Variants in FRMD4B observed in about 807,000 individuals in gnomAD.
FRMD4B encodes the protein FERM domain containing 4B.
A neutral mutation model predicts 141.5 loss-of-function variants in FRMD4B; 74 were observed. That is an observed-to-expected ratio of 0.52 (90% CI 0.43 to 0.63). The LOEUF (loss-of-function observed/expected upper bound fraction) is 0.63. FRMD4B is among the 30% of genes least tolerant of loss of function. The pLI is 0.00. For synonymous variants in FRMD4B, 506 were observed against 467.9 expected (o/e 1.08, Z -1.05); for missense variants, 1,366 against 1,253.4 (o/e 1.09, Z -1.36).
At chr3:69,441,201 T>G (rs1230532991) in intron 1 of FRMD4B, among the ~76,000 whole-genome samples, 2 of 152,216 alleles carry the variant, frequency 1.3e-5, no homozygotes, top group African/African-American at 4.8e-5. Context: ...ATCTTCCTCC[T>G]GGACTTTTAT....
rs373199210 is a variant in FRMD4B at position 69,276,677 on chromosome 3, G to C, written c.501+11075C>G. Among the ~76,000 whole-genome samples the C allele has an allele frequency of 9.9e-5, 15 of 152,234 alleles. 1 individual carries two copies. Among genetic ancestry groups the C allele is most frequent in the African/African-American group, 2.9e-4 (12 of 41,550 alleles). On this transcript the variant is annotated intron_variant, in intron 5 of 22. Transcript: ENST00000398540. ...AATGTAAATGGCATTAAGATTCCAGGGATCGGGCTGGACACAGTGGCTCAT... is the reference window on the plus strand; with the variant it reads ...AATGTAAATGGCATTAAGATTCCAGCGATCGGGCTGGACACAGTGGCTCAT...
intron 5 of FRMD4B, among the ~76,000 whole-genome samples, chr3:69,277,835 A>G (rs1346702533): frequency 1.4e-5 from 2 of 144,688 alleles, no homozygotes; most frequent in African/African-American, 5.1e-5. Context: ...CGTCCATTGA[A>G]CAGCATTTTC....
At chr3:69,433,212 T>C (rs539561213) in intron 1 of FRMD4B, 62 of 152,308 alleles carry the variant, frequency 4.1e-4, no homozygotes, top group African/African-American at 1.4e-3. Context: ...CAGATGTCAG[T>C]GTGGCGAGAA....
intron 11 of FRMD4B, among the ~76,000 whole-genome samples, chr3:69,203,084 TA>T (rs11313220): frequency 0.1 from 14,004 of 137,258 alleles, 638 homozygotes; most frequent in African/African-American, 0.12. Flanking sequence ...TAAGATGAAG[TA>T]AAAAAAAAAA....
intron 1 of FRMD4B, among the ~76,000 whole-genome samples, chr3:69,319,291 C>T (rs1701913964): frequency 6.6e-6 from 1 of 152,150 alleles, no homozygotes; most frequent in Non-Finnish European, 1.5e-5. Flanking sequence ...AATGTCCTGA[C>T]AGCATTTAAT....
chr3:69,518,291 A>G (rs1167945623), intron 1 of FRMD4B, among the ~76,000 whole-genome samples: 1 of 152,176 alleles, frequency 6.6e-6, no homozygotes, highest in Non-Finnish European at 1.5e-5. Flanking sequence ...GAAACAATGT[A>G]TTCTTATACA....
chr3:69,242,460 C>A (rs1210738788), intron 7 of FRMD4B, among the ~76,000 whole-genome samples: 1 of 136,476 alleles, frequency 7.3e-6, no homozygotes, highest in Non-Finnish European at 1.5e-5. Flanking sequence ...AAATTCCTTT[C>A]CCATGGGAAA....
chr3:69,395,846 G>A (rs1217507798), intron 2 of FRMD4B, among the ~76,000 whole-genome samples: 2 of 152,166 alleles, frequency 1.3e-5, no homozygotes, highest in Non-Finnish European at 2.9e-5. Context: ...GCTTTAAGCA[G>A]TATTTGATAG....
At chr3:69,436,367 AC>A (rs1472433521) in intron 1 of FRMD4B, among the ~76,000 whole-genome samples, 1 of 152,234 alleles carries the variant, frequency 6.6e-6, no homozygotes, top group African/African-American at 2.4e-5. Flanking sequence ...TAATAAAAAA[AC>A]TGTAGGATAA....
At chr3:69,513,615 C>T (rs1187644447) in intron 1 of FRMD4B, among the ~76,000 whole-genome samples, 1 of 151,982 alleles carries the variant, frequency 6.6e-6, no homozygotes, top group South Asian at 2.1e-4. Context: ...TGACCAATAT[C>T]CCTAAAAAAT....
intron 7 of FRMD4B, among the ~76,000 whole-genome samples, chr3:69,226,243 C>G (rs540386884): frequency 6.6e-6 from 1 of 152,252 alleles, no homozygotes; most frequent in South Asian, 2.1e-4. Flanking sequence ...TCTCTCTATT[C>G]ATTTGAAATC....
intron 1 of FRMD4B, among the ~76,000 whole-genome samples, chr3:69,336,333 G>C (rs999524407): frequency 6.6e-6 from 1 of 152,176 alleles, no homozygotes; most frequent in African/African-American, 2.4e-5. Flanking sequence ...CAACCTTCCA[G>C]GTCACTCTCA....
At chr3:69,367,530 T>C (rs1703701877) in intron 1 of FRMD4B, among the ~76,000 whole-genome samples, 2 of 27,192 alleles carry the variant, frequency 7.4e-5, no homozygotes, top group African/African-American at 1.3e-4. Context: ...AAATATATCA[T>C]TGACAATTAT....
chr3:69,323,787 G>C (rs1042551269), intron 1 of FRMD4B, among the ~76,000 whole-genome samples: 2 of 151,692 alleles, frequency 1.3e-5, no homozygotes, highest in Admixed American at 6.6e-5. Flanking sequence ...GCCAGGAAGA[G>C]GCAGAGTAGG....
chr3:69,230,493 T>G (rs914333198), intron 7 of FRMD4B, among the ~76,000 whole-genome samples: 1 of 151,846 alleles, frequency 6.6e-6, no homozygotes, highest in African/African-American at 2.4e-5. Flanking sequence ...CACCTGTAAT[T>G]CCAGCATTTT....
rs145668091 is a variant in FRMD4B at position 69,489,807 on chromosome 3, G to C, written c.-129+52399C>G. Among the ~76,000 whole-genome samples, 36 of 152,174 alleles carry C rather than the reference G, an allele frequency of 2.4e-4. 1 individual carries two copies. Among genetic ancestry groups the C allele is most frequent in the African/African-American group, 7.7e-4 (32 of 41,548 alleles). ...ATGTTCACAGAAGCATTTTTCACAA[G>C]AGCCAAAAAATGAGAACAAGCCTAA... On this transcript the variant is annotated intron_variant, in intron 1 of 5. Coordinates refer to the FRMD4B transcript ENST00000459638.
At chr3:69,174,589 T>C (rs928363275) in intron 22 of FRMD4B, among the ~76,000 whole-genome samples, 4 of 152,174 alleles carry the variant, frequency 2.6e-5, no homozygotes, top group African/African-American at 9.7e-5. Flanking sequence ...TAGGGATCTT[T>C]AAATAGCTTC....
At chr3:69,388,135 C>T (rs1016792775), upstream of FRMD4B, among the ~76,000 whole-genome samples, 2 of 151,856 alleles carry the variant, frequency 1.3e-5, no homozygotes, top group African/African-American at 4.8e-5. Flanking sequence ...AAATGTCAGG[C>T]AGCCAAGGGA....
chr3:69,264,906 CAG>C (rs2093550907), intron 5 of FRMD4B, among the ~76,000 whole-genome samples: 1 of 152,026 alleles, frequency 6.6e-6, no homozygotes, highest in Admixed American at 6.6e-5. Flanking sequence ...TAAACGGAGA[CAG>C]AGAAAGTTTG....
Sources: allele counts gnomAD v4.1 joint callset (sites outside exome capture counted in the v4.1 genomes callset), GRCh38; gene constraint gnomAD v4.1.1; transcripts MANE v1.5; gene names NCBI Gene and HGNC (gene_info 2026-07-23, HGNC 2026-07-21).